The following CRYZL1 variants were observed in gnomAD, a reference collection of about 807,000 sequenced individuals.
CRYZL1 encodes crystallin zeta like 1, also known as ferry endosomal RAB5 effector complex subunit 4.
Under a neutral mutation model 50.6 loss-of-function variants are expected in CRYZL1, and 34 were observed. The observed-to-expected ratio is 0.67, with a 90% CI of 0.51 to 0.89. The LOEUF (loss-of-function observed/expected upper bound fraction) is 0.89, where lower values mean the gene tolerates loss of function less well. Ranked by LOEUF, CRYZL1 falls within the 40% of genes least tolerant of loss-of-function variation. The pLI, the probability that CRYZL1 is intolerant of heterozygous loss-of-function variation, is 0.00. For missense variants in CRYZL1, 354 were observed against 402.3 expected, an observed-to-expected ratio of 0.88 and a Z score of 1.03; for synonymous variants, 125 against 134.3, an observed-to-expected ratio of 0.93 and a Z score of 0.48.
chr21:33,613,062 G>A (rs1601336964), intron 6 of CRYZL1, among the ~76,000 whole-genome samples: 1 of 152,148 alleles, frequency 6.6e-6, no homozygotes, highest in South Asian at 2.1e-4. Context: ...CTGGCCTCAG[G>A]TGACCTGCCC....
At chr21:33,628,780 T>A (rs1405943107) in intron 2 of CRYZL1, among the ~76,000 whole-genome samples, 1 of 150,478 alleles carries the variant, frequency 6.6e-6, no homozygotes, top group Non-Finnish European at 1.5e-5. Flanking sequence ...TCAAAAAAAT[T>A]TTTTTTTTTG....
At chr21:33,612,833 G>A (rs923800665) in intron 6 of CRYZL1, among the ~76,000 whole-genome samples, 1 of 151,850 alleles carries the variant, frequency 6.6e-6, no homozygotes, top group Non-Finnish European at 1.5e-5. Flanking sequence ...AAAGATAAGT[G>A]CTCTTTTTTT....
intron 1 of CRYZL1, among the ~76,000 whole-genome samples, chr21:33,637,549 C>A (rs2087223203): frequency 6.6e-6 from 1 of 151,672 alleles, no homozygotes; most frequent in South Asian, 2.1e-4. Flanking sequence ...TCAATACTCT[C>A]CCTCATTCAA....
chr21:33,623,855 T>TA (rs1254339614), intron 3 of CRYZL1, among the ~76,000 whole-genome samples: 1 of 152,188 alleles, frequency 6.6e-6, no homozygotes, highest in Non-Finnish European at 1.5e-5. Flanking sequence ...ACATTCTATG[T>TA]ATTTCATGGT....
In CRYZL1 at chr21:33,610,727, G is replaced by GTTTTTT. The variant is rs747790692; in HGVS notation, c.331+2805_331+2810dup. Among the ~76,000 whole-genome samples, 88 of 101,454 alleles carry GTTTTTT rather than the reference G, an allele frequency of 8.7e-4. 4 individuals are homozygous for GTTTTTT. The highest frequency in any genetic ancestry group is 1.4e-3 in the Non-Finnish European group (72 of 50,590). The allele number at this position is 101,454 out of a possible 152,430, so 66.6% of individuals were successfully genotyped here. On this transcript the variant is annotated intron_variant, in intron 6 of 12. Coordinates refer to ENST00000381554, the MANE Select transcript of CRYZL1 (RefSeq NM_145858.3). ...CTAAAGGAATGGGCCTTGTTTGGTT[G>GTTTTTT]TTTTTTTTTTTTTTTTTTTTTTTTG...
intron 7 of CRYZL1, chr21:33,603,060 C>T (rs1024022268): frequency 4.2e-5 from 9 of 215,958 alleles, no homozygotes; most frequent in South Asian, 9.7e-5. Flanking sequence ...ACTTGATCAA[C>T]GTAAGTGTGA....
chr21:33,612,834 CT>C (rs1225137782), intron 6 of CRYZL1, among the ~76,000 whole-genome samples: 2 of 151,838 alleles, frequency 1.3e-5, no homozygotes, highest in Non-Finnish European at 2.9e-5. Flanking sequence ...AAGATAAGTG[CT>C]CTTTTTTTTT....
At position 33,589,497 on chromosome 21, in the gene CRYZL1, C is replaced by G. The variant is rs1247628794; in HGVS notation, c.*325G>C. 4.6e-6 allele frequency: 2 copies of G among 437,194 alleles called. No individual in the cohort carries two copies. Among genetic ancestry groups the G allele is most frequent in the Admixed American group, 4.0e-5 (1 of 24,758 alleles). 27.1% of individuals were successfully genotyped at this position (437,194 alleles called of 1,614,324 possible). A position where few individuals can be genotyped will look rare whatever the true frequency, so the allele number is the denominator to read the frequency against. On this transcript the variant is annotated 3_prime_UTR_variant, in exon 13 of 13. Coordinates refer to ENST00000381554, the MANE Select transcript of CRYZL1 (RefSeq NM_145858.3). ...AGCAAAGGCCTGCAACAGCTTTTAT[C>G]AAGAGTAGTGTGACTTTTGCTGAAA...
intron 2 of CRYZL1, among the ~76,000 whole-genome samples, chr21:33,625,142 C>G (rs1301155449): frequency 6.6e-6 from 1 of 151,858 alleles, no homozygotes; most frequent in Non-Finnish European, 1.5e-5. Flanking sequence ...ATACACATAA[C>G]GTATAACCTT....
intron 12 of CRYZL1, among the ~76,000 whole-genome samples, chr21:33,590,351 C>T (rs1180928630): frequency 2.0e-5 from 3 of 151,906 alleles, no homozygotes; most frequent in African/African-American, 4.8e-5. Flanking sequence ...CAAACAAATT[C>T]GTCCATTAGT....
chr21:33,594,585 G>A (rs916547013), intron 11 of CRYZL1: 1 of 150,044 alleles, frequency 6.7e-6, no homozygotes, highest in African/African-American at 2.5e-5. Context: ...ACATGAAGGG[G>A]TTTTGAAATC....
intron 2 of CRYZL1, among the ~76,000 whole-genome samples, chr21:33,629,995 G>C (rs774835733): frequency 6.6e-6 from 1 of 152,060 alleles, no homozygotes; most frequent in Non-Finnish European, 1.5e-5. Flanking sequence ...ATGATCAGAG[G>C]GTTTATGTCC....
chr21:33,616,579 A>C (rs758599466), intron 5 of CRYZL1, 127 bp downstream of exon 5: 2 of 1,546,666 alleles, frequency 1.3e-6, no homozygotes, highest in Non-Finnish European at 1.8e-6. Flanking sequence ...GACGTGAGCC[A>C]CAGCACCCAG....
At chr21:33,640,062 G>A in intron 1 of CRYZL1, 1 of 1,359,224 alleles carries the variant, frequency 7.4e-7, no homozygotes, top group Non-Finnish European at 1.0e-6. Context: ...CTGGCCTCAA[G>A]TGATCCACCC....
rs772392362 is a variant in CRYZL1, at chr21:33,595,790, A to G, written c.845T>C (p.Leu282Ser). Residue 282 changes from leucine to serine, a missense_variant, in exon 11 of 13, where the codon TTA becomes TCA. By Grantham distance (145) the Leu-to-Ser change is moderately radical. Coordinates refer to ENST00000381554, the MANE Select transcript of CRYZL1 (RefSeq NM_145858.3). ...CCAAACTTCATCATTCAGGAAAGCT[A>G]ACGTTGCTCCCTTGAGGAAAAGGCA... ...SHCLFLKGAT[L>S]AFLNDEVWNL... is the part of the protein sequence containing the mutation. The G allele has an allele frequency of 6.2e-6, 10 of 1,614,168 alleles. 1 individual carries two copies. In the South Asian group the frequency reaches 8.8e-5, roughly 14 times the overall value.
chr21:33,601,881 G>T (rs2086759980), intron 8 of CRYZL1, among the ~76,000 whole-genome samples: 1 of 144,984 alleles, frequency 6.9e-6, no homozygotes, highest in African/African-American at 2.6e-5. Context: ...TTGTGCCATT[G>T]TACTCCAGCT....
intron 4 of CRYZL1, among the ~76,000 whole-genome samples, chr21:33,618,105 C>T (rs1327211134): frequency 3.3e-5 from 5 of 151,502 alleles, no homozygotes; most frequent in African/African-American, 4.9e-5. Flanking sequence ...CCGGCTAACA[C>T]GGTGAAACCC....
intron 6 of CRYZL1, among the ~76,000 whole-genome samples, chr21:33,608,492 T>C (rs571358723): frequency 6.6e-6 from 1 of 152,206 alleles, no homozygotes; most frequent in Non-Finnish European, 1.5e-5. Flanking sequence ...ATCCCTCCTG[T>C]TTAGCTGAGA....
chr21:33,605,816 G>A (rs1377984793), intron 6 of CRYZL1, among the ~76,000 whole-genome samples: 4 of 151,930 alleles, frequency 2.6e-5, no homozygotes, highest in African/African-American at 7.2e-5. Flanking sequence ...AAGCCACCAC[G>A]CCTGGCCAAG....
Sources: gnomAD v4.1 joint callset for allele counts (sites outside exome capture counted in the v4.1 genomes callset) on GRCh38, gnomAD v4.1.1 for gene constraint, MANE v1.5 for transcripts, NCBI Gene and HGNC (gene_info 2026-07-23, HGNC 2026-07-21) for gene names.